The following IL16 variants were observed in gnomAD, a reference collection of about 807,000 sequenced individuals.
The protein encoded by IL16 is pro-interleukin-16.
A neutral mutation model predicts 110.1 loss-of-function variants in IL16; 67 were observed. That is an observed-to-expected ratio of 0.61 (90% CI 0.50 to 0.75). IL16 has a LOEUF of 0.75. Ranked by LOEUF, IL16 falls within the 30% of genes least tolerant of loss-of-function variation. The probability of loss-of-function intolerance (pLI) is 0.00; values close to 1 mark genes in which losing one functional copy is unlikely to be tolerated. For synonymous variants in IL16, 689 were observed against 662.9 expected, an observed-to-expected ratio of 1.04 and a Z score of -0.61; for missense variants, 1,545 against 1,655.0, an observed-to-expected ratio of 0.93 and a Z score of 1.15.
intron 18 of IL16, among the ~76,000 whole-genome samples, chr15:81,307,765 G>C (rs757417443): frequency 2.6e-5 from 4 of 152,164 alleles, no homozygotes; most frequent in African/African-American, 4.8e-5. Context: ...GAAAGTCTGG[G>C]TTCCAGCCCA....
intron 6 of IL16, 50 bp downstream of exon 6, chr15:81,273,254 A>ATC: frequency 7.4e-7 from 1 of 1,345,340 alleles, no homozygotes; most frequent in Non-Finnish European, 1.0e-6. Context: ...CAGAAGCAGA[A>ATC]TCCAGAATTG....
intron 13 of IL16, among the ~76,000 whole-genome samples, chr15:81,297,977 C>A (rs180987331): frequency 6.6e-6 from 1 of 152,326 alleles, no homozygotes; most frequent in Admixed American, 6.5e-5. Flanking sequence ...TCACCCAGAG[C>A]AGAGGCCCTG....
At chr15:81,212,991 A>G (rs1896303433) in intron 1 of IL16, among the ~76,000 whole-genome samples, 1 of 152,128 alleles carries the variant, frequency 6.6e-6, no homozygotes, top group Non-Finnish European at 1.5e-5. Flanking sequence ...TTAATTTAAC[A>G]TCTTTTTAAT....
intron 2 of IL16, among the ~76,000 whole-genome samples, chr15:81,236,635 T>C (rs2142084209): frequency 6.6e-6 from 1 of 152,228 alleles, no homozygotes; most frequent in East Asian, 1.9e-4. Context: ...TTCATTTGGT[T>C]AGTGAAGAGG....
intron 2 of IL16, among the ~76,000 whole-genome samples, chr15:81,254,603 C>T (rs1334148725): frequency 1.3e-5 from 2 of 152,182 alleles, no homozygotes; most frequent in African/African-American, 2.4e-5. Flanking sequence ...AACCTCTGCC[C>T]AGGGCCACAG....
intron 1 of IL16, chr15:81,188,264 G>T: frequency 8.8e-6 from 4 of 452,268 alleles, no homozygotes; most frequent in Non-Finnish European, 1.8e-5. Flanking sequence ...CGTCTGAATC[G>T]CTATGTTGTT....
intron 1 of IL16, among the ~76,000 whole-genome samples, chr15:81,222,187 G>A (rs188769716): frequency 3.9e-5 from 6 of 152,244 alleles, no homozygotes; most frequent in Admixed American, 1.3e-4. Context: ...GCGAGAGGCT[G>A]TTATACCAGA....
chr15:81,235,696 C>T (rs774529881), intron 2 of IL16, among the ~76,000 whole-genome samples: 8 of 152,102 alleles, frequency 5.3e-5, no homozygotes, highest in South Asian at 2.1e-4. Flanking sequence ...CCATGTTTTA[C>T]GACACGGTGG....
chr15:81,184,735 G>A (rs552877769), intron 1 of IL16, among the ~76,000 whole-genome samples: 1 of 152,356 alleles, frequency 6.6e-6, no homozygotes, highest in South Asian at 2.1e-4. Context: ...CACATGCAGG[G>A]ACACCTGTCC....
Position 81,183,922 on chromosome 15 carries a change from G to A in IL16, c.40+1026G>A, listed in dbSNP as rs76573736. Among the ~76,000 whole-genome samples the A allele has an allele frequency of 6.0e-4, 91 of 152,336 alleles. 3 individuals carry two copies. The East Asian group carries it at 0.017, about 29-fold the overall frequency. ...AGAAACAATAACTAAGATAAAGTGT[G>A]TGAAATGACCCAAATGGCATGTACG... On this transcript the variant is annotated intron_variant, in intron 1 of 18. Coordinates refer to the IL16 transcript ENST00000302987.
intron 3 of IL16, 121 bp from the exon 4 acceptor site, chr15:81,265,538 G>C: frequency 9.4e-7 from 1 of 1,058,316 alleles, no homozygotes; most frequent in Non-Finnish European, 1.4e-6. Flanking sequence ...CTGGCACAGG[G>C]TGTTAAGTGG....
chr15:81,245,677 A>C lies in IL16; in HGVS notation c.313-14095A>C, dbSNP rs139693262. On this transcript the variant is annotated intron_variant, in intron 2 of 18. Coordinates refer to ENST00000683961, the MANE Select transcript of IL16 (RefSeq NM_172217.5). Reference sequence around the variant, plus strand: ...TCTAATGTTTTCTGTCTCGCTGAACAGTCCCTTCATGGTCTTTTGGCTAGA... The same window carrying C: ...TCTAATGTTTTCTGTCTCGCTGAACCGTCCCTTCATGGTCTTTTGGCTAGA... Among the ~76,000 whole-genome samples, 16 of 143,716 alleles carry C rather than the reference A, an allele frequency of 1.1e-4. 1 individual carries two copies. The East Asian group carries it at 3.2e-3, about 29-fold the overall frequency. 94.3% of individuals were successfully genotyped at this position (143,716 alleles called of 152,430 possible).
At chr15:81,238,018 C>T (rs1051900860) in intron 2 of IL16, among the ~76,000 whole-genome samples, 4 of 152,150 alleles carry the variant, frequency 2.6e-5, no homozygotes, top group Non-Finnish European at 4.4e-5. Context: ...AATTCTCTGC[C>T]TCAGCCTTCC....
At position 81,203,152 on chromosome 15, in the gene IL16, A is replaced by G. The variant is rs551025598; in HGVS notation, c.-102+6000A>G. Among the ~76,000 whole-genome samples, 561 of 147,760 alleles carry G rather than the reference A, an allele frequency of 3.8e-3. 5 individuals are homozygous for G. The highest frequency in any genetic ancestry group is 0.014 in the African/African-American group (535 of 37,394). On this transcript the variant is annotated intron_variant, in intron 1 of 18. Transcript: ENST00000683961. ...TGAGAAGTGTCTGTTCATATCCTTC[A>G]CCCACTTTTTGATGGGGTTGTTTTT...
chr15:81,204,126 C>T (rs988857686), intron 1 of IL16, among the ~76,000 whole-genome samples: 2 of 152,040 alleles, frequency 1.3e-5, no homozygotes, highest in African/African-American at 2.4e-5. Flanking sequence ...CTCTGTTTGT[C>T]TGTTATTGGT....
intron 9 of IL16, among the ~76,000 whole-genome samples, chr15:81,283,980 G>A (rs1416198845): frequency 3.5e-5 from 5 of 143,272 alleles, no homozygotes; most frequent in Non-Finnish European, 6.0e-5. Context: ...TTCAGCCTGG[G>A]CAACAGAGCA....
In IL16 at chr15:81,225,301, A is replaced by G. The variant is rs748935965; in HGVS notation, c.-99A>G. ...TTCCCATTTCCTCTTTCCTCTAGGG[A>G]CTCATGAAGTGGCAGCTAAGCCCTG... On this transcript the variant is annotated splice_region_variant and 5_prime_UTR_variant, in exon 2 of 19. Coordinates refer to ENST00000683961, the MANE Select transcript of IL16 (RefSeq NM_172217.5). The G allele has an allele frequency of 6.5e-7, 1 of 1,530,730 alleles. No homozygotes were observed. The highest frequency in any genetic ancestry group is 1.4e-5 in the African/African-American group (1 of 72,752). 94.8% of individuals were successfully genotyped at this position (1,530,730 alleles called of 1,614,324 possible).
chr15:81,282,341 C>G (rs1214085724), intron 8 of IL16, among the ~76,000 whole-genome samples: 1 of 152,198 alleles, frequency 6.6e-6, no homozygotes, highest in Admixed American at 6.5e-5. Flanking sequence ...GTACATTCAC[C>G]ACATAATACT....
intron 1 of IL16, among the ~76,000 whole-genome samples, chr15:81,191,520 A>G (rs1895497267): frequency 6.6e-6 from 1 of 152,224 alleles, no homozygotes; most frequent in Non-Finnish European, 1.5e-5. Context: ...TGGGGACCCC[A>G]CAGTGAACAG....
Sources: gnomAD v4.1 joint callset for allele counts (sites outside exome capture counted in the v4.1 genomes callset) on GRCh38, gnomAD v4.1.1 for gene constraint, MANE v1.5 for transcripts, NCBI Gene and HGNC (gene_info 2026-07-23, HGNC 2026-07-21) for gene names.